CSMD3: variants seen among roughly 807,000 people sequenced by gnomAD.
The protein encoded by CSMD3 is CUB and sushi domain-containing protein 3.
CSMD3 carries 177 observed loss-of-function variants against 435.2 expected under a neutral mutation model. That is an observed-to-expected ratio of 0.41 (90% CI 0.36 to 0.46). The LOEUF (loss-of-function observed/expected upper bound fraction) is 0.46, where lower values mean the gene tolerates loss of function less well. Ranked by LOEUF, CSMD3 falls within the 20% of genes least tolerant of loss-of-function variation. The pLI, the probability that CSMD3 is intolerant of heterozygous loss-of-function variation, is 0.34. For missense variants in CSMD3, 4,265 were observed against 4,504.6 expected, an observed-to-expected ratio of 0.95 and a Z score of 1.52; for synonymous variants, 1,656 against 1,520.5, an observed-to-expected ratio of 1.09 and a Z score of -2.07.
At chr8:112,255,768 A>G (rs1815729684) in intron 61 of CSMD3, 1 of 298,172 alleles carries the variant, frequency 3.4e-6, no homozygotes, top group African/African-American at 2.2e-5. Flanking sequence ...TAGCCTTGAA[A>G]AAGTAGGTGA....
intron 32 of CSMD3, among the ~76,000 whole-genome samples, chr8:112,443,419 A>C (rs1815259553): frequency 6.6e-6 from 1 of 152,226 alleles, no homozygotes; most frequent in African/African-American, 2.4e-5. Flanking sequence ...AAAAGACTAT[A>C]TTTCAACAAA....
chr8:112,263,637 AC>A lies in CSMD3; in HGVS notation c.9862+1del. 1 of 1,612,674 alleles carries A rather than the reference AC, an allele frequency of 6.2e-7. No homozygotes were observed. Among genetic ancestry groups the A allele is most frequent in the Non-Finnish European group, 8.5e-7 (1 of 1,179,110 alleles). ...ACAGTTGTTAGTAGAAATCATACTT[AC>A]GTAAGCACTGCGGTACTTCACCACT... On this transcript the variant is annotated splice_donor_variant, in intron 61 of 70. Transcript: ENST00000297405. LOFTEE classifies it high-confidence loss of function.
In CSMD3 at chr8:112,343,019, A is replaced by ATATT. The variant is rs1359112551; in HGVS notation, c.6443-1334_6443-1333insAATA. Among the ~76,000 whole-genome samples, 7 of 95,852 alleles carry ATATT rather than the reference A, an allele frequency of 7.3e-5. No individual in the cohort carries two copies. The East Asian group carries it at 8.1e-4, about 11-fold the overall frequency. 62.9% of individuals were successfully genotyped at this position (95,852 alleles called of 152,430 possible). A position where few individuals can be genotyped will look rare whatever the true frequency, so the allele number is the denominator to read the frequency against. The stretch of plus-strand genomic sequence containing the variant: ...TATATATTTATATATATATATATTT[A>ATATT]TATATATATATATAGTTTAAATACA... On this transcript the variant is annotated intron_variant, in intron 41 of 70. Coordinates refer to ENST00000297405, the MANE Select transcript of CSMD3 (RefSeq NM_198123.2).
At chr8:112,237,458 A>G in intron 66 of CSMD3, 110 bp from the exon 67 acceptor site, 3 of 791,428 alleles carry the variant, frequency 3.8e-6, no homozygotes, top group Non-Finnish European at 6.3e-6. Flanking sequence ...ATACACAATA[A>G]TGTTGAATGT....
At chr8:113,163,951 T>G (rs1177742351) in intron 4 of CSMD3, among the ~76,000 whole-genome samples, 1 of 152,074 alleles carries the variant, frequency 6.6e-6, no homozygotes, top group Non-Finnish European at 1.5e-5. Context: ...ATGTAGCTCC[T>G]TAAATTATAC....
At chr8:112,678,707 C>CATAT (rs60904597) in intron 16 of CSMD3, among the ~76,000 whole-genome samples, 69 of 150,954 alleles carry the variant, frequency 4.6e-4, no homozygotes, top group East Asian at 3.9e-4. Flanking sequence ...CACAACAATC[C>CATAT]ATATATATAT....
intron 58 of CSMD3, among the ~76,000 whole-genome samples, chr8:112,282,438 C>T (rs1249182084): frequency 6.6e-6 from 1 of 151,876 alleles, no homozygotes; most frequent in Non-Finnish European, 1.5e-5. Flanking sequence ...AAATTTTGGC[C>T]ATGTTTACTT....
chr8:112,519,595 T>TGTCAC (rs1824065157), intron 27 of CSMD3, among the ~76,000 whole-genome samples: 2 of 152,188 alleles, frequency 1.3e-5, no homozygotes, highest in South Asian at 4.1e-4. Flanking sequence ...AGAAAAAGTA[T>TGTCAC]ACAAATAGAA....
At chr8:112,417,420 A>G (rs1207689241) in intron 32 of CSMD3, among the ~76,000 whole-genome samples, 1 of 152,208 alleles carries the variant, frequency 6.6e-6, no homozygotes, top group East Asian at 1.9e-4. Flanking sequence ...CACCTGAAGC[A>G]GTAATAAATG....
At chr8:113,095,830 A>T (rs1763200872) in intron 5 of CSMD3, among the ~76,000 whole-genome samples, 1 of 152,154 alleles carries the variant, frequency 6.6e-6, no homozygotes, top group South Asian at 2.1e-4. Flanking sequence ...TACATTTTAT[A>T]TAAGGAACTT....
At chr8:113,175,413 CAT>C in intron 3 of CSMD3, among the ~76,000 whole-genome samples, 1 of 151,766 alleles carries the variant, frequency 6.6e-6, no homozygotes. Context: ...ATTTACTAAA[CAT>C]AAATGGTTTC....
intron 3 of CSMD3, among the ~76,000 whole-genome samples, chr8:113,231,852 G>A (rs2093091882): frequency 6.6e-6 from 1 of 151,350 alleles, no homozygotes; most frequent in Admixed American, 6.6e-5. Flanking sequence ...TTTAGTCATA[G>A]GCTATTAACA....
chr8:112,695,195 T>G (rs187080842), intron 13 of CSMD3, among the ~76,000 whole-genome samples: 1 of 152,294 alleles, frequency 6.6e-6, no homozygotes, highest in Non-Finnish European at 1.5e-5. Context: ...TAGCACCAAT[T>G]TAATGTGTAT....
intron 1 of CSMD3, among the ~76,000 whole-genome samples, chr8:113,354,223 T>C (rs967297364): frequency 6.6e-6 from 1 of 152,156 alleles, no homozygotes; most frequent in African/African-American, 2.4e-5. Context: ...GAACATAAAA[T>C]GATTTCAACA....
At chr8:112,263,856 C>T (rs758172970) in intron 60 of CSMD3, 44 bp from the exon 61 acceptor site, 3 of 1,524,934 alleles carry the variant, frequency 2.0e-6, no homozygotes, top group Non-Finnish European at 2.7e-6. Flanking sequence ...GTTGAAATAT[C>T]CTGAGCCTTA....
At chr8:112,234,790 ACAAT>A (rs1813418155) in intron 67 of CSMD3, among the ~76,000 whole-genome samples, 1 of 152,148 alleles carries the variant, frequency 6.6e-6, no homozygotes, top group Non-Finnish European at 1.5e-5. Flanking sequence ...ATTTCTTCCC[ACAAT>A]CAGATTCTAA....
intron 13 of CSMD3, among the ~76,000 whole-genome samples, chr8:112,789,897 ATAT>A (rs2078643982): frequency 6.6e-6 from 1 of 151,980 alleles, no homozygotes; most frequent in Non-Finnish European, 1.5e-5. Flanking sequence ...ATGCATGGGA[ATAT>A]TGGGGAATTA....
At chr8:112,776,326 T>C (rs912706364) in intron 13 of CSMD3, among the ~76,000 whole-genome samples, 1 of 151,848 alleles carries the variant, frequency 6.6e-6, no homozygotes, top group East Asian at 1.9e-4. Flanking sequence ...CTCAGTTTTT[T>C]TATTATCTTC....
chr8:112,310,656 T>C (rs1185898360), intron 50 of CSMD3: 6 of 396,854 alleles, frequency 1.5e-5, no homozygotes. Context: ...GCAGACTTCA[T>C]ACTAACTCAG....
Sources: allele counts gnomAD v4.1 joint callset (sites outside exome capture counted in the v4.1 genomes callset), GRCh38; gene constraint gnomAD v4.1.1; transcripts MANE v1.5; gene names NCBI Gene and HGNC (gene_info 2026-07-23, HGNC 2026-07-21).